Variants in LTBP1 observed in about 807,000 individuals in gnomAD.
LTBP1 encodes latent transforming growth factor beta binding protein 1.
Under a neutral mutation model 207.6 loss-of-function variants are expected in LTBP1, and 129 were observed. The observed-to-expected ratio is 0.62, with a 90% CI of 0.54 to 0.72. The LOEUF (loss-of-function observed/expected upper bound fraction) is 0.72, where lower values mean the gene tolerates loss of function less well. LTBP1 is among the 30% of genes least tolerant of loss of function. LTBP1 has a pLI of 0.00. For synonymous variants in LTBP1, 963 were observed against 833.7 expected (o/e 1.16, Z -2.67); for missense variants, 2,281 against 2,217.2 (o/e 1.03, Z -0.58).
rs189590674 is a variant in LTBP1, at chr2:33,166,126, G to A, written c.1202-20730G>A. Among the ~76,000 whole-genome samples, 451 of 148,858 alleles carry A rather than the reference G, an allele frequency of 3.0e-3. 2 individuals carry two copies. The highest frequency in any genetic ancestry group is 0.024 in the Middle Eastern group (7 of 288). On this transcript the variant is annotated intron_variant, in intron 5 of 33. Transcript: ENST00000404816. ...GCTATAAATTATACAACTTTATGTT[G>A]AGATCAATTTGGTAAATTTATTAGT... is the stretch of plus-strand genomic sequence containing the variant.
intron 8 of LTBP1, among the ~76,000 whole-genome samples, chr2:33,219,736 A>T (rs1014910422): frequency 1.3e-5 from 2 of 151,512 alleles, no homozygotes; most frequent in Admixed American, 6.6e-5. Flanking sequence ...TTTCTTTTTC[A>T]TTTTCATTTA....
chr2:33,200,378 G>A (rs2089088714), intron 7 of LTBP1, among the ~76,000 whole-genome samples: 1 of 151,976 alleles, frequency 6.6e-6, no homozygotes, highest in African/African-American at 2.4e-5. Flanking sequence ...AATGGGGAAA[G>A]GATTCCCTAT....
rs62135680 is a variant in LTBP1, at chr2:32,947,812, T to C, written c.488T>C (p.Leu163Pro). ...SRLQVHQKQQLQGVNVCGGRC... is the reference protein window; with the variant it reads ...SRLQVHQKQQPQGVNVCGGRC... The stretch of plus-strand genomic sequence containing the variant: ...CTGCAGGTTCACCAGAAGCAGCAGC[T>C]GCAGGGGTAAGCCCACACCCCCTTC... The change falls in exon 1 of 34, where the codon CTG becomes CCG. Residue 163 changes from leucine to proline, a missense_variant. Coordinates refer to ENST00000404816, the MANE Select transcript of LTBP1 (RefSeq NM_206943.4). 0.017 allele frequency: 24,255 copies of C among 1,443,088 alleles called. 267 individuals carry two copies. Among genetic ancestry groups the C allele is most frequent in the Non-Finnish European group, 0.019 (20,973 of 1,091,332 alleles). The allele number at this position is 1,443,088 out of a possible 1,614,324, so 89.4% of individuals were successfully genotyped here. A position where few individuals can be genotyped will look rare whatever the true frequency, so the allele number is the denominator to read the frequency against.
chr2:33,061,375 AC>A (rs1343500746), intron 3 of LTBP1: 1 of 152,184 alleles, frequency 6.6e-6, no homozygotes, highest in East Asian at 1.9e-4. Flanking sequence ...TACAAATCTT[AC>A]ATGCACCCTT....
chr2:32,969,763 T>G (rs1038581090), intron 2 of LTBP1, among the ~76,000 whole-genome samples: 3 of 152,200 alleles, frequency 2.0e-5, no homozygotes, highest in African/African-American at 7.2e-5. Context: ...TATGTTAGAA[T>G]GATATATATT....
Position 32,947,451 on chromosome 2 carries a change from T to A in LTBP1, c.127T>A (p.Leu43Met). ...HPGPGLAAGA[L>M]PLSGPPRSRT... ...GGGCCCCGGCCTGGCAGCCGGCGCCTTGCCCCTGAGCGGGCCCCCGCGTTC... is the reference window on the plus strand; with the variant it reads ...GGGCCCCGGCCTGGCAGCCGGCGCCATGCCCCTGAGCGGGCCCCCGCGTTC... Residue 43 changes from leucine to methionine, a missense_variant, in exon 1 of 34, where the codon TTG (leucine) becomes ATG (methionine). Around this residue, in one of 3 missense-constraint regions of LTBP1, gnomAD observed 555 missense variants for 491.0 expected, o/e 1.13. Coordinates refer to ENST00000404816, the MANE Select transcript of LTBP1 (RefSeq NM_206943.4). 6.9e-7 allele frequency: 1 copy of A among 1,444,022 alleles called. No individual in the cohort carries two copies. The highest frequency in any genetic ancestry group is 1.3e-5 in the South Asian group (1 of 75,194). 89.5% of individuals were successfully genotyped at this position (1,444,022 alleles called of 1,614,324 possible). A position where few individuals can be genotyped will look rare whatever the true frequency, so the allele number is the denominator to read the frequency against.
chr2:33,041,301 T>C (rs1367816653), intron 3 of LTBP1, among the ~76,000 whole-genome samples: 1 of 152,204 alleles, frequency 6.6e-6, no homozygotes, highest in Non-Finnish European at 1.5e-5. Context: ...TTTTTCTTTT[T>C]TGAGACGGAG....
rs543329435 is a variant in LTBP1, at chr2:33,032,519, A to G, written c.863+11313A>G. On this transcript the variant is annotated intron_variant, in intron 3 of 33. Transcript: ENST00000404816. ...TCCTCCTTTAGGTGACAGAAGTCCT[A>G]CATCTTGATTATCCTGTATTGGTGA... Among the ~76,000 whole-genome samples the G allele has an allele frequency of 2.0e-5, 3 of 152,274 alleles. No individual in the cohort carries two copies. The South Asian group carries it at 6.2e-4, about 32-fold the overall frequency.
intron 4 of LTBP1, among the ~76,000 whole-genome samples, chr2:33,133,596 C>G (rs929607611): frequency 6.6e-6 from 1 of 152,144 alleles, no homozygotes; most frequent in Non-Finnish European, 1.5e-5. Context: ...AAGGGCAGGT[C>G]TGGGTGAAGC....
intron 7 of LTBP1, among the ~76,000 whole-genome samples, chr2:33,198,211 C>A (rs976926159): frequency 6.6e-6 from 1 of 152,058 alleles, no homozygotes; most frequent in Admixed American, 6.6e-5. Context: ...TATTGATTTG[C>A]GTATATTGAA....
At chr2:33,356,065 C>G (rs967489260) in intron 26 of LTBP1, among the ~76,000 whole-genome samples, 1 of 151,894 alleles carries the variant, frequency 6.6e-6, no homozygotes, top group Admixed American at 6.6e-5. Context: ...AACCAATCAC[C>G]GAGACCACAA....
At chr2:33,077,038 G>C (rs533011321) in intron 3 of LTBP1, among the ~76,000 whole-genome samples, 1 of 152,312 alleles carries the variant, frequency 6.6e-6, no homozygotes, top group East Asian at 1.9e-4. Context: ...TCTAGGGCTA[G>C]AGAGGTGATA....
chr2:32,971,598 T>C (rs1179106022), intron 2 of LTBP1, among the ~76,000 whole-genome samples: 1 of 152,230 alleles, frequency 6.6e-6, no homozygotes, highest in Non-Finnish European at 1.5e-5. Flanking sequence ...ATCACATTTA[T>C]TGATGTGTGA....
At chr2:33,028,451 T>C (rs2075537830) in intron 3 of LTBP1, among the ~76,000 whole-genome samples, 1 of 152,080 alleles carries the variant, frequency 6.6e-6, no homozygotes, top group Non-Finnish European at 1.5e-5. Flanking sequence ...GGGCAGATCA[T>C]GAGGTCAGGA....
intron 7 of LTBP1, among the ~76,000 whole-genome samples, chr2:33,215,730 T>G (rs923497903): frequency 1.1e-4 from 16 of 149,418 alleles, no homozygotes; most frequent in African/African-American, 1.5e-4. Flanking sequence ...TTTGTTTTTT[T>G]TTTTTGAGAT....
chr2:33,289,946 G>A lies in LTBP1; in HGVS notation c.3113-3214G>A, dbSNP rs535376682. Among the ~76,000 whole-genome samples, 24 of 152,230 alleles carry A rather than the reference G, an allele frequency of 1.6e-4. 1 individual carries two copies. Among genetic ancestry groups the A allele is most frequent in the African/African-American group, 5.5e-4 (23 of 41,542 alleles). On this transcript the variant is annotated intron_variant, in intron 19 of 33. Coordinates refer to ENST00000404816, the MANE Select transcript of LTBP1 (RefSeq NM_206943.4). ...ATAACCCATTTTGTGTTGCTGTAAC[G>A]GAACACCTTGAGACTAGGTCATTTA...
At chr2:33,349,456 A>G (rs1395229415) in intron 26 of LTBP1, among the ~76,000 whole-genome samples, 1 of 151,740 alleles carries the variant, frequency 6.6e-6, no homozygotes, top group Non-Finnish European at 1.5e-5. Flanking sequence ...AAAAAAAAAA[A>G]AGTACATTCA....
chr2:32,988,703 T>C (rs1019924860), intron 2 of LTBP1, among the ~76,000 whole-genome samples: 1 of 152,208 alleles, frequency 6.6e-6, no homozygotes, highest in Non-Finnish European at 1.5e-5. Flanking sequence ...CCCTTCAGGA[T>C]CAGCCTTTCC....
At chr2:33,359,846 T>C (rs892688800) in intron 26 of LTBP1, among the ~76,000 whole-genome samples, 1 of 152,236 alleles carries the variant, frequency 6.6e-6, no homozygotes, top group African/African-American at 2.4e-5. Context: ...TTCATTATTA[T>C]CTGAAAGTGG....
Sources: allele counts gnomAD v4.1 joint callset (sites outside exome capture counted in the v4.1 genomes callset), GRCh38; gene constraint gnomAD v4.1.1; regional missense constraint gnomAD v4.1.1; transcripts MANE v1.5; gene names NCBI Gene and HGNC (gene_info 2026-07-23, HGNC 2026-07-21).